The following CNNM1 variants were observed in gnomAD, a reference collection of about 807,000 sequenced individuals.
CNNM1 encodes cyclin and CBS domain divalent metal cation transport mediator 1.
CNNM1 carries 44 observed loss-of-function variants against 78.8 expected under a neutral mutation model. The observed-to-expected ratio is 0.56, with a 90% CI of 0.44 to 0.72. CNNM1 has a LOEUF of 0.72. Ranked by LOEUF, CNNM1 falls within the 30% of genes least tolerant of loss-of-function variation. The probability of loss-of-function intolerance (pLI) is 0.00; values close to 1 mark genes in which losing one functional copy is unlikely to be tolerated. For missense variants in CNNM1, 1,101 were observed against 1,292.2 expected (o/e 0.85, Z 2.27); for synonymous variants, 584 against 581.5 (o/e 1.00, Z -0.06).
At chr10:99,356,602 A>AAGAAAGAAAGAAAGAAAGAAAG (rs2031214065) in intron 1 of CNNM1, among the ~76,000 whole-genome samples, 1 of 139,826 alleles carries the variant, frequency 7.2e-6, no homozygotes, top group African/African-American at 2.9e-5. Context: ...GAAAGAAAGA[A>AAGAAAGAAAGAAAGAAAGAAAG]AGAAAAGAAA....
At chr10:99,374,366 C>T (rs1456860071) in intron 6 of CNNM1, among the ~76,000 whole-genome samples, 1 of 152,166 alleles carries the variant, frequency 6.6e-6, no homozygotes, top group Non-Finnish European at 1.5e-5. Context: ...TTCACATGCC[C>T]TTATTAAACA....
chr10:99,353,989 A>T (rs2031039447), intron 1 of CNNM1, among the ~76,000 whole-genome samples: 1 of 152,240 alleles, frequency 6.6e-6, no homozygotes, highest in African/African-American at 2.4e-5. Context: ...CTGTTAATTT[A>T]ATTTCATCAT....
At chr10:99,391,217 C>G (rs184106182) in intron 10 of CNNM1, among the ~76,000 whole-genome samples, 59 of 152,358 alleles carry the variant, frequency 3.9e-4, no homozygotes, top group Admixed American at 7.8e-4. Flanking sequence ...GGGTTTGTGA[C>G]TTTTCAGAGA....
At chr10:99,363,605 T>C (rs1459173585) in intron 4 of CNNM1, among the ~76,000 whole-genome samples, 4 of 152,082 alleles carry the variant, frequency 2.6e-5, no homozygotes, top group Non-Finnish European at 5.9e-5. Context: ...TTCATGGGGT[T>C]GTGGGGCTAA....
intron 1 of CNNM1, among the ~76,000 whole-genome samples, chr10:99,336,237 G>A (rs1453013566): frequency 6.6e-6 from 1 of 152,128 alleles, no homozygotes; most frequent in Admixed American, 6.5e-5. Flanking sequence ...TCGTCCTAAG[G>A]CAACACATTA....
intron 7 of CNNM1, among the ~76,000 whole-genome samples, chr10:99,384,292 A>G (rs924273254): frequency 6.6e-6 from 1 of 152,174 alleles, no homozygotes; most frequent in African/African-American, 2.4e-5. Context: ...GCACCTTGTC[A>G]ACAATTTCTT....
intron 1 of CNNM1, 72 bp from the exon 2 acceptor site, chr10:99,357,440 A>G: frequency 4.7e-6 from 7 of 1,496,018 alleles, no homozygotes; most frequent in Non-Finnish European, 6.4e-6. Context: ...GCAACTTTGT[A>G]TCATTTTTCT....
At chr10:99,357,947 A>C (rs1409958957) in intron 2 of CNNM1, among the ~76,000 whole-genome samples, 1 of 152,174 alleles carries the variant, frequency 6.6e-6, no homozygotes, top group Admixed American at 6.5e-5. Flanking sequence ...TACAGGAAAC[A>C]CAGTGTTCCC....
intron 1 of CNNM1, among the ~76,000 whole-genome samples, chr10:99,351,547 A>C (rs756332860): frequency 3.7e-4 from 56 of 152,164 alleles, no homozygotes; most frequent in Admixed American, 1.2e-3. Context: ...GTAAATATTC[A>C]CAAGTCATCC....
chr10:99,343,035 G>A (rs1470320776), intron 1 of CNNM1, among the ~76,000 whole-genome samples: 1 of 151,386 alleles, frequency 6.6e-6, no homozygotes, highest in Non-Finnish European at 1.5e-5. Flanking sequence ...GCACAATCTC[G>A]GCTCACTGCA....
intron 1 of CNNM1, among the ~76,000 whole-genome samples, chr10:99,349,342 G>A (rs572121912): frequency 2.6e-5 from 4 of 152,154 alleles, no homozygotes; most frequent in African/African-American, 7.2e-5. Flanking sequence ...TAACTCCAAC[G>A]TGCAGCCAGG....
chr10:99,349,791 G>C (rs1183262308), intron 1 of CNNM1, among the ~76,000 whole-genome samples: 1 of 152,180 alleles, frequency 6.6e-6, no homozygotes, highest in Non-Finnish European at 1.5e-5. Context: ...ATGAGGTCAG[G>C]AGATCGAGAC....
In CNNM1 at chr10:99,330,437, C is replaced by T. The variant is rs921598176; in HGVS notation, c.1050C>T (p.His350=). Residue 350 remains histidine (H), a synonymous_variant, in exon 1 of 11, where the codon CAC becomes CAT. Coordinates refer to ENST00000356713, the MANE Select transcript of CNNM1 (RefSeq NM_020348.3). ...EICPYSVCSR[H]GLAIASHSVC... ...GCCCCTACTCAGTGTGTTCGCGGCACGGGCTGGCCATCGCCTCGCACAGCG... is the reference window on the plus strand; with the variant it reads ...GCCCCTACTCAGTGTGTTCGCGGCATGGGCTGGCCATCGCCTCGCACAGCG... 2.5e-6 allele frequency: 4 copies of T among 1,591,652 alleles called. No individual in the cohort carries two copies. Among genetic ancestry groups the T allele is most frequent in the Non-Finnish European group, 3.4e-6 (4 of 1,170,072 alleles).
intron 7 of CNNM1, among the ~76,000 whole-genome samples, chr10:99,378,916 G>T (rs1471795491): frequency 1.3e-5 from 2 of 152,200 alleles, no homozygotes; most frequent in African/African-American, 4.8e-5. Flanking sequence ...AGCTGACCGA[G>T]CAATGCTCAT....
In CNNM1 at chr10:99,380,579, T is replaced by A. The variant is rs534783392; in HGVS notation, c.2340+3361T>A. ...GCCAAGATGGGTGTATCACCTGAGGTCAGGAGTTTGTGACCAGCCTGGACA... is the reference window on the plus strand; with the variant it reads ...GCCAAGATGGGTGTATCACCTGAGGACAGGAGTTTGTGACCAGCCTGGACA... On this transcript the variant is annotated intron_variant, in intron 7 of 10. Transcript: ENST00000356713. Among the ~76,000 whole-genome samples, 3 of 152,066 alleles carry A rather than the reference T, an allele frequency of 2.0e-5. No individual in the cohort carries two copies. In the South Asian group the frequency reaches 6.2e-4, roughly 32 times the overall value.
intron 1 of CNNM1, among the ~76,000 whole-genome samples, chr10:99,357,160 G>GA (rs2031250668): frequency 6.6e-6 from 1 of 152,138 alleles, no homozygotes; most frequent in Non-Finnish European, 1.5e-5. Context: ...TAGGGGAGGA[G>GA]AATGACTTTT....
At chr10:99,339,216 C>T (rs1022958810) in intron 1 of CNNM1, among the ~76,000 whole-genome samples, 1 of 152,254 alleles carries the variant, frequency 6.6e-6, no homozygotes, top group Non-Finnish European at 1.5e-5. Context: ...ACTGCACAAT[C>T]CATACTCAGT....
At chr10:99,364,931 C>T (rs1444302867) in intron 5 of CNNM1, 24 bp from the exon 6 acceptor site, 1 of 1,608,494 alleles carries the variant, frequency 6.2e-7, no homozygotes, top group African/African-American at 1.3e-5. Flanking sequence ...GCCTCTGAAA[C>T]CCACTGCATG....
Position 99,349,856 on chromosome 10 carries a change from G to C in CNNM1, c.1574-7656G>C, listed in dbSNP as rs982050000. Among the ~76,000 whole-genome samples the C allele has an allele frequency of 2.0e-5, 3 of 152,124 alleles. No individual in the cohort carries two copies. In the South Asian group the frequency reaches 6.2e-4, roughly 32 times the overall value. On this transcript the variant is annotated intron_variant, in intron 1 of 10. Transcript: ENST00000356713. ...TCTACTAAATATACAAAAATTAGCTGGGCGTGGTGGCGTGTGCCTGTAGTC... is the reference window on the plus strand; with the variant it reads ...TCTACTAAATATACAAAAATTAGCTCGGCGTGGTGGCGTGTGCCTGTAGTC...
Sources: gnomAD v4.1 joint callset for allele counts (sites outside exome capture counted in the v4.1 genomes callset) on GRCh38, gnomAD v4.1.1 for gene constraint, MANE v1.5 for transcripts, NCBI Gene and HGNC (gene_info 2026-07-23, HGNC 2026-07-21) for gene names.